The following SCN7A variants were observed in gnomAD, a reference collection of about 807,000 sequenced individuals.
The protein encoded by SCN7A is sodium channel protein type 7 subunit alpha.
In SCN7A, 138 loss-of-function variants were observed where a neutral mutation model predicts 155.2. That is an observed-to-expected ratio of 0.89 (90% CI 0.77 to 1.02). The LOEUF (loss-of-function observed/expected upper bound fraction) is 1.02, where lower values mean the gene tolerates loss of function less well. SCN7A is among the 50% of genes least tolerant of loss of function. The pLI, the probability that SCN7A is intolerant of heterozygous loss-of-function variation, is 0.00. For missense variants in SCN7A, 2,058 were observed against 1,986.6 expected, an observed-to-expected ratio of 1.04 and a Z score of -0.68; for synonymous variants, 693 against 649.0, an observed-to-expected ratio of 1.07 and a Z score of -1.03.
chr2:166,409,177 G>A (rs1174720011), intron 25 of SCN7A, among the ~76,000 whole-genome samples: 2 of 151,918 alleles, frequency 1.3e-5, no homozygotes, highest in Admixed American at 6.6e-5. Flanking sequence ...GAATTATCAA[G>A]TGTATTTATT....
At chr2:166,457,182 T>A in intron 10 of SCN7A, 106 bp from the exon 11 acceptor site, 1 of 752,264 alleles carries the variant, frequency 1.3e-6, no homozygotes, top group Non-Finnish European at 2.1e-6. Context: ...AATAATATAG[T>A]CATAAATGGA....
chr2:166,421,303 T>G lies in SCN7A; in HGVS notation c.3028-6A>C. 1 of 1,446,768 alleles carries G rather than the reference T, an allele frequency of 6.9e-7. No individual in the cohort carries two copies. Among genetic ancestry groups the G allele is most frequent in the South Asian group, 1.4e-5 (1 of 70,152 alleles). 89.6% of individuals were successfully genotyped at this position (1,446,768 alleles called of 1,614,324 possible). A position where few individuals can be genotyped will look rare whatever the true frequency, so the allele number is the denominator to read the frequency against. ...ATTAAGCTAAGACAAAACACCTATA[T>G]ATTTTTTTTAAAAAAAGAGTGAATA... On this transcript the variant is annotated splice_polypyrimidine_tract_variant and splice_region_variant and intron_variant, in intron 19 of 25. Transcript: ENST00000643258.
At chr2:166,469,159 G>A (rs1020632853) in intron 7 of SCN7A, among the ~76,000 whole-genome samples, 1 of 151,174 alleles carries the variant, frequency 6.6e-6, no homozygotes, top group African/African-American at 2.4e-5. Flanking sequence ...GCATAAGATG[G>A]AATTTAGTTT....
intron 16 of SCN7A, among the ~76,000 whole-genome samples, chr2:166,429,559 C>T (rs975029819): frequency 6.6e-6 from 1 of 152,044 alleles, no homozygotes; most frequent in African/African-American, 2.4e-5. Flanking sequence ...GATGTATAGG[C>T]TGTCTCCAAT....
intron 12 of SCN7A, among the ~76,000 whole-genome samples, 182 bp downstream of exon 12, chr2:166,447,430 T>G (rs1702087334): frequency 6.6e-6 from 1 of 152,208 alleles, no homozygotes; most frequent in Non-Finnish European, 1.5e-5. Context: ...GGTCACTCTT[T>G]CCAATGTTTA....
intron 11 of SCN7A, among the ~76,000 whole-genome samples, chr2:166,452,079 C>T (rs182219690): frequency 5.3e-5 from 8 of 152,152 alleles, no homozygotes; most frequent in Non-Finnish European, 7.4e-5. Flanking sequence ...TCAAAAACAT[C>T]ATTACAGTTG....
chr2:166,427,745 T>A, intron 18 of SCN7A, 43 bp downstream of exon 18: 1 of 1,559,718 alleles, frequency 6.4e-7, no homozygotes, highest in Non-Finnish European at 8.7e-7. Flanking sequence ...TCATGATACA[T>A]TTGTCCCCAG....
intron 20 of SCN7A, among the ~76,000 whole-genome samples, chr2:166,417,514 A>T (rs1559091533): frequency 6.6e-6 from 1 of 151,982 alleles, no homozygotes; most frequent in East Asian, 1.9e-4. Flanking sequence ...ATATTCTTAA[A>T]ATGTTTGTAC....
At chr2:166,409,319 T>C (rs1029886464) in intron 25 of SCN7A, among the ~76,000 whole-genome samples, 13 of 151,986 alleles carry the variant, frequency 8.6e-5, no homozygotes, top group African/African-American at 1.7e-4. Context: ...ACCTGAAAGA[T>C]TACATCATTC....
chr2:166,470,694 T>A lies in SCN7A; in HGVS notation c.585A>T (p.Arg195Ser), dbSNP rs368643676. Reference sequence around the variant, plus strand: ...TTGGAATGAAGTCCAGAGGTGAGTATCTTATAATAACCCTGTGGAATTAAA... The same window carrying A: ...TTGGAATGAAGTCCAGAGGTGAGTAACTTATAATAACCCTGTGGAATTAAA... Reference protein sequence around the residue: ...FSVTVFEVIIRYSPLDFIPTL... With the variant: ...FSVTVFEVIISYSPLDFIPTL... The change falls in exon 7 of 26, where the codon AGA (arginine) becomes AGT (serine). Residue 195 changes from arginine (R) to serine (S), a missense_variant. Transcript: ENST00000643258. 1.2e-6 allele frequency: 2 copies of A among 1,607,752 alleles called. No individual in the cohort carries two copies. Among genetic ancestry groups the A allele is most frequent in the African/African-American group, 2.7e-5 (2 of 74,732 alleles).
At position 166,412,518 on chromosome 2, in the gene SCN7A, A is replaced by G; in HGVS notation, c.3606+12T>C. On this transcript the variant is annotated intron_variant, in intron 23 of 25. Coordinates refer to ENST00000643258, the MANE Select transcript of SCN7A (RefSeq NM_002976.4). Reference sequence around the variant, plus strand: ...CTCAGACATTGGATAAACAAATAATATTTATACTTATCTTTATTTTATGCT... The same window carrying G: ...CTCAGACATTGGATAAACAAATAATGTTTATACTTATCTTTATTTTATGCT... The G allele has an allele frequency of 6.9e-7, 1 of 1,448,800 alleles. No homozygotes were observed. Among genetic ancestry groups the G allele is most frequent in the Non-Finnish European group, 9.1e-7 (1 of 1,103,644 alleles). 89.7% of individuals were successfully genotyped at this position (1,448,800 alleles called of 1,614,324 possible).
chr2:166,492,062 C>T (rs1683122787), intron 1 of SCN7A, among the ~76,000 whole-genome samples: 1 of 151,882 alleles, frequency 6.6e-6, no homozygotes, highest in Non-Finnish European at 1.5e-5. Context: ...GGTATTTATC[C>T]TACTTTGGGA....
In SCN7A at chr2:166,416,083, A is replaced by G. The variant is rs74422199; in HGVS notation, c.3414+624T>C. Among the ~76,000 whole-genome samples, 772 of 152,204 alleles carry G rather than the reference A, an allele frequency of 5.1e-3. 37 individuals are homozygous for G. The East Asian group carries it at 0.11, about 22-fold the overall frequency. On this transcript the variant is annotated intron_variant, in intron 21 of 25. Coordinates refer to ENST00000643258, the MANE Select transcript of SCN7A (RefSeq NM_002976.4). Reference sequence around the variant, plus strand: ...GGAATGTCTGTCCTATGCAGTTGAGATAAGGACTGAGATACGCCCTGGTCT... The same window carrying G: ...GGAATGTCTGTCCTATGCAGTTGAGGTAAGGACTGAGATACGCCCTGGTCT...
chr2:166,458,677 T>C (rs1702338748), intron 10 of SCN7A, among the ~76,000 whole-genome samples: 1 of 152,190 alleles, frequency 6.6e-6, no homozygotes, highest in Non-Finnish European at 1.5e-5. Context: ...CCTATACAAA[T>C]ACTTGGCACA....
At position 166,405,400 on chromosome 2, in the gene SCN7A, T is replaced by C. The variant is rs929212692; in HGVS notation, c.*180A>G. On this transcript the variant is annotated 3_prime_UTR_variant, in exon 26 of 26. Coordinates refer to ENST00000643258, the MANE Select transcript of SCN7A (RefSeq NM_002976.4). Reference sequence around the variant, plus strand: ...CTCACTGCAGCAATATTAAGGATTCTCTTGATTTGTTAGATATAATGCTAA... The same window carrying C: ...CTCACTGCAGCAATATTAAGGATTCCCTTGATTTGTTAGATATAATGCTAA... 1.8e-6 allele frequency: 1 copy of C among 549,104 alleles called. No individual in the cohort carries two copies. The highest frequency in any genetic ancestry group is 1.9e-5 in the African/African-American group (1 of 51,334). The allele number at this position is 549,104 out of a possible 1,614,324, so 34.0% of individuals were successfully genotyped here.
chr2:166,415,748 C>T (rs943613104), intron 21 of SCN7A, among the ~76,000 whole-genome samples: 2 of 152,046 alleles, frequency 1.3e-5, no homozygotes, highest in East Asian at 1.9e-4. Context: ...CACCTCAGGA[C>T]CACTGTGATA....
intron 25 of SCN7A, among the ~76,000 whole-genome samples, chr2:166,409,409 G>T (rs1701147283): frequency 6.6e-6 from 1 of 151,864 alleles, no homozygotes; most frequent in Non-Finnish European, 1.5e-5. Flanking sequence ...ACATTCACCT[G>T]GTGGCTTGTA....
chr2:166,404,824 G>GAAAAAAAAAAAAAAAAAAAAAAGA lies in SCN7A; in HGVS notation c.*755_*756insTCTTTTTTTTTTTTTTTTTTTTTT, dbSNP rs35675449. 1 of 62,770 alleles carries GAAAAAAAAAAAAAAAAAAAAAAGA rather than the reference G, an allele frequency of 1.6e-5. No homozygotes were observed. Among genetic ancestry groups the GAAAAAAAAAAAAAAAAAAAAAAGA allele is most frequent in the African/African-American group, 5.2e-5 (1 of 19,368 alleles). The allele number at this position is 62,770 out of a possible 1,614,324, so 3.9% of individuals were successfully genotyped here. On this transcript the variant is annotated 3_prime_UTR_variant, in exon 26 of 26. Transcript: ENST00000643258. ...AAATAGGTGTAAATGAGAAGAAAATGAAAAAAAAAAAAAAAAAAAAGGCTA... is the reference window on the plus strand; with the variant it reads ...AAATAGGTGTAAATGAGAAGAAAATGAAAAAAAAAAAAAAAAAAAAAAGAAAAAAAAAAAAAAAAAAAAAGGCTA...
chr2:166,458,307 T>G (rs1262363471), intron 10 of SCN7A, among the ~76,000 whole-genome samples: 2 of 146,580 alleles, frequency 1.4e-5, no homozygotes, highest in Non-Finnish European at 1.5e-5. Context: ...CCAGCCTGGG[T>G]GACAGAGTGA....
Sources: gnomAD v4.1 joint callset for allele counts (sites outside exome capture counted in the v4.1 genomes callset) on GRCh38, gnomAD v4.1.1 for gene constraint, MANE v1.5 for transcripts, NCBI Gene and HGNC (gene_info 2026-07-23, HGNC 2026-07-21) for gene names.